KMT5B: variants seen among roughly 807,000 people sequenced by gnomAD.
The protein encoded by KMT5B is lysine methyltransferase 5B.
KMT5B carries 10 observed loss-of-function variants against 83.2 expected under a neutral mutation model. The ratio of observed to expected loss-of-function variants is 0.12; its 90% CI spans 0.07 to 0.20. KMT5B has a LOEUF of 0.20. KMT5B is among the 10% of genes least tolerant of loss of function. KMT5B has a pLI of 1.00. For missense variants in KMT5B, 753 were observed against 1,067.2 expected, an observed-to-expected ratio of 0.71 and a Z score of 4.10; for synonymous variants, 349 against 388.8, an observed-to-expected ratio of 0.90 and a Z score of 1.20.
intron 1 of KMT5B, among the ~76,000 whole-genome samples, chr11:68,200,323 C>T (rs2153083099): frequency 6.6e-6 from 1 of 152,248 alleles, no homozygotes; most frequent in Non-Finnish European, 1.5e-5. Context: ...ATGACAGGGA[C>T]CACTCTGTGG....
chr11:68,202,546 C>CT (rs71040602), intron 1 of KMT5B, among the ~76,000 whole-genome samples: 100,167 of 121,926 alleles, frequency 0.82, 41,817 homozygotes, highest in South Asian at 0.87. Flanking sequence ...CTAAGACACA[C>CT]TTTTTTTTTT....
At chr11:68,163,899 T>C (rs1028116968) in intron 10 of KMT5B, among the ~76,000 whole-genome samples, 1 of 152,184 alleles carries the variant, frequency 6.6e-6, no homozygotes, top group Non-Finnish European at 1.5e-5. Flanking sequence ...AGGTGCTCCA[T>C]AGTTAAGATC....
chr11:68,158,699 C>T lies in KMT5B; in HGVS notation c.1647G>A (p.Lys549=). The T allele has an allele frequency of 6.2e-7, 1 of 1,614,066 alleles. No homozygotes were observed. ...GTTCAAGCTTGATGTCAGAGGCCTCCTTCAGATTTGTTCTTGTCCTCACTG... is the reference window on the plus strand; with the variant it reads ...GTTCAAGCTTGATGTCAGAGGCCTCTTTCAGATTTGTTCTTGTCCTCACTG... The part of the protein sequence containing the change: ...RRSVRTRTNL[K]EASDIKLEPN... Residue 549 remains lysine (K), a synonymous_variant, in exon 11 of 11, where the codon AAG becomes AAA. Coordinates refer to ENST00000304363, the MANE Select transcript of KMT5B (RefSeq NM_017635.5).
At chr11:68,199,490 T>G (rs1565256249) in intron 1 of KMT5B, among the ~76,000 whole-genome samples, 2 of 150,130 alleles carry the variant, frequency 1.3e-5, no homozygotes, top group East Asian at 2.0e-4. Context: ...GGAGGAAGAG[T>G]GGGAGGATGA....
At chr11:68,175,263 G>C (rs928665387) in intron 4 of KMT5B, 80 bp from the exon 5 acceptor site, 15 of 1,121,118 alleles carry the variant, frequency 1.3e-5, no homozygotes, top group Non-Finnish European at 1.9e-5. Flanking sequence ...TCTTGAGAAA[G>C]AGCTAATACC....
At chr11:68,206,330 G>C (rs1252464706) in intron 1 of KMT5B, among the ~76,000 whole-genome samples, 1 of 152,240 alleles carries the variant, frequency 6.6e-6, no homozygotes, top group Non-Finnish European at 1.5e-5. Flanking sequence ...TCAAATGACT[G>C]TAAGTACAGC....
At chr11:68,189,179 G>A (rs980051908) in intron 2 of KMT5B, among the ~76,000 whole-genome samples, 10 of 152,208 alleles carry the variant, frequency 6.6e-5, no homozygotes, top group Admixed American at 1.3e-4. Flanking sequence ...CTAGATTCAC[G>A]TTAGAAAAAG....
At position 68,173,899 on chromosome 11, in the gene KMT5B, C is replaced by A; in HGVS notation, c.558G>T (p.Leu186Phe). The part of the protein sequence containing the change: ...KLFKEHVFIY[L>F]RMFATDSGFE... Reference sequence around the variant, plus strand: ...ATCCACTGTCAGTTGCAAACATTCGCAAATAAATAAATACCTAAAACAGGA... The same window carrying A: ...ATCCACTGTCAGTTGCAAACATTCGAAAATAAATAAATACCTAAAACAGGA... The change falls in exon 6 of 11, where the codon TTG becomes TTT. Residue 186 changes from leucine (L) to phenylalanine (F), a missense_variant. Leu to Phe is a conservative substitution (Grantham distance 22). This residue lies in a region of KMT5B where 71 missense variants were observed against 107.0 expected (regional missense o/e 0.66). Coordinates refer to ENST00000304363, the MANE Select transcript of KMT5B (RefSeq NM_017635.5). The A allele has an allele frequency of 6.2e-7, 1 of 1,602,072 alleles. No homozygotes were observed. The highest frequency in any genetic ancestry group is 8.5e-7 in the Non-Finnish European group (1 of 1,174,248).
intron 1 of KMT5B, among the ~76,000 whole-genome samples, chr11:68,198,402 A>C (rs975840628): frequency 1.3e-5 from 2 of 151,704 alleles, no homozygotes; most frequent in African/African-American, 4.8e-5. Context: ...AGAAGAGAAA[A>C]GAAGAGGAAA....
chr11:68,175,909 G>C (rs1415317628), intron 4 of KMT5B, among the ~76,000 whole-genome samples: 1 of 148,886 alleles, frequency 6.7e-6, no homozygotes, highest in Non-Finnish European at 1.5e-5. Context: ...TGATGGGGTA[G>C]AGTTGTTTTT....
intron 1 of KMT5B, among the ~76,000 whole-genome samples, chr11:68,192,434 G>A (rs1341063836): frequency 6.6e-6 from 1 of 152,166 alleles, no homozygotes; most frequent in Non-Finnish European, 1.5e-5. Context: ...TTCCTTGCTT[G>A]TGTTTAGAAC....
At chr11:68,180,076 TA>T in intron 4 of KMT5B, 55 bp downstream of exon 4, 2 of 1,508,720 alleles carry the variant, frequency 1.3e-6, no homozygotes, top group Non-Finnish European at 1.8e-6. Flanking sequence ...AAGAACATTT[TA>T]AAAGGCTAGA....
At chr11:68,198,132 C>G (rs975513187) in intron 1 of KMT5B, among the ~76,000 whole-genome samples, 2 of 152,106 alleles carry the variant, frequency 1.3e-5, no homozygotes, top group African/African-American at 2.4e-5. Flanking sequence ...TGAAAACATC[C>G]CAGCACTTTG....
intron 3 of KMT5B, among the ~76,000 whole-genome samples, chr11:68,183,133 TG>T (rs888538183): frequency 4.6e-5 from 7 of 152,056 alleles, no homozygotes; most frequent in African/African-American, 1.7e-4. Flanking sequence ...GTCAAGATTC[TG>T]GGCCTTTGTG....
intron 1 of KMT5B, among the ~76,000 whole-genome samples, chr11:68,202,651 C>T (rs964394550): frequency 6.8e-6 from 1 of 147,740 alleles, no homozygotes; most frequent in Non-Finnish European, 1.5e-5. Context: ...CGGGTTCAAG[C>T]GATTCTCCTG....
chr11:68,163,552 T>C (rs1411997429), intron 10 of KMT5B, among the ~76,000 whole-genome samples: 1 of 152,174 alleles, frequency 6.6e-6, no homozygotes, highest in Non-Finnish European at 1.5e-5. Flanking sequence ...AAAAGAGCTG[T>C]GACCGACACC....
At position 68,156,032 on chromosome 11, in the gene KMT5B, A is replaced by T. The variant is rs988651028; in HGVS notation, c.*1656T>A. On this transcript the variant is annotated 3_prime_UTR_variant, in exon 11 of 11. Transcript: ENST00000304363. ...CAGTCTTAAGGAGCGTCATTGAAAC[A>T]ATATCCCCCCAAACCTGGAAACTAG... 3 of 152,222 alleles carry T rather than the reference A, an allele frequency of 2.0e-5. No individual in the cohort carries two copies. Among genetic ancestry groups the T allele is most frequent in the Admixed American group, 6.5e-5 (1 of 15,278 alleles). 9.4% of individuals were successfully genotyped at this position (152,222 alleles called of 1,614,324 possible).
intron 4 of KMT5B, 136 bp from the exon 5 acceptor site, chr11:68,175,319 A>T: frequency 1.6e-6 from 1 of 617,804 alleles, no homozygotes; most frequent in Admixed American, 3.3e-5. Flanking sequence ...AGAGAAGAGA[A>T]CAACAATCAA....
At chr11:68,173,716 T>G in intron 6 of KMT5B, 88 bp downstream of exon 6, 1 of 931,420 alleles carries the variant, frequency 1.1e-6, no homozygotes, top group Non-Finnish European at 1.6e-6. Context: ...CTGGCTTCAT[T>G]CCTTACCATG....
Sources: allele counts gnomAD v4.1 joint callset (sites outside exome capture counted in the v4.1 genomes callset), GRCh38; gene constraint gnomAD v4.1.1; regional missense constraint gnomAD v4.1.1; transcripts MANE v1.5; gene names NCBI Gene and HGNC (gene_info 2026-07-23, HGNC 2026-07-21).